Variants in LDB2 observed in about 807,000 individuals in gnomAD.
LDB2 encodes the protein LIM domain binding 2.
In LDB2, 12 loss-of-function variants were observed where a neutral mutation model predicts 44.3. The ratio of observed to expected loss-of-function variants is 0.27; its 90% CI spans 0.17 to 0.44. LDB2 has a LOEUF of 0.44. Ranked by LOEUF, LDB2 falls within the 20% of genes least tolerant of loss-of-function variation. The probability of loss-of-function intolerance (pLI) is 1.00; values close to 1 mark genes in which losing one functional copy is unlikely to be tolerated. For missense variants in LDB2, 344 were observed against 473.5 expected (o/e 0.73, Z 2.54); for synonymous variants, 164 against 174.8 (o/e 0.94, Z 0.49).
intron 5 of LDB2, among the ~76,000 whole-genome samples, chr4:16,574,123 G>A (rs1216748773): frequency 6.6e-6 from 1 of 152,106 alleles, no homozygotes; most frequent in Non-Finnish European, 1.5e-5. Flanking sequence ...AGGGACCAAT[G>A]TTCTTTAAAG....
At chr4:16,698,745 C>A (rs1231079142) in intron 2 of LDB2, among the ~76,000 whole-genome samples, 1 of 152,054 alleles carries the variant, frequency 6.6e-6, no homozygotes, top group African/African-American at 2.4e-5. Context: ...ATTTGCCATA[C>A]AGAGAAGTTT....
chr4:16,856,920 C>A (rs1789466412), intron 1 of LDB2, among the ~76,000 whole-genome samples: 1 of 152,228 alleles, frequency 6.6e-6, no homozygotes. Flanking sequence ...TGTTCAGAGA[C>A]ATTAAATATT....
chr4:16,807,864 AG>A (rs1779076887), intron 1 of LDB2, among the ~76,000 whole-genome samples: 1 of 152,234 alleles, frequency 6.6e-6, no homozygotes, highest in Non-Finnish European at 1.5e-5. Flanking sequence ...ATTTCTAAAC[AG>A]GGCAAAAAAC....
At chr4:16,639,037 G>T (rs913217082) in intron 2 of LDB2, among the ~76,000 whole-genome samples, 1 of 152,168 alleles carries the variant, frequency 6.6e-6, no homozygotes. Context: ...AAATAACTCA[G>T]GCTTGGATCT....
At chr4:16,783,130 C>T (rs1773665376) in intron 1 of LDB2, among the ~76,000 whole-genome samples, 1 of 152,138 alleles carries the variant, frequency 6.6e-6, no homozygotes, top group Non-Finnish European at 1.5e-5. Flanking sequence ...TAAGTTAGTA[C>T]AAAGTGCTTA....
At chr4:16,588,267 C>A (rs1363713735) in intron 4 of LDB2, among the ~76,000 whole-genome samples, 1 of 152,136 alleles carries the variant, frequency 6.6e-6, no homozygotes, top group Non-Finnish European at 1.5e-5. Context: ...CAACTTCTGA[C>A]ACAAATCTGA....
At chr4:16,556,406 T>C (rs1293073050) in intron 5 of LDB2, among the ~76,000 whole-genome samples, 1 of 152,202 alleles carries the variant, frequency 6.6e-6, no homozygotes, top group East Asian at 1.9e-4. Context: ...CAATACATCT[T>C]CCTTTTTAGA....
intron 2 of LDB2, among the ~76,000 whole-genome samples, chr4:16,735,683 T>G (rs1261249840): frequency 2.0e-5 from 3 of 151,936 alleles, no homozygotes; most frequent in Non-Finnish European, 4.4e-5. Context: ...GACAAAAGGG[T>G]ATCTCACCTC....
In LDB2 at chr4:16,554,412, A is replaced by G. The variant is rs373544198; in HGVS notation, c.615+31510T>C. 2.0e-5 allele frequency among the ~76,000 whole-genome samples: 3 copies of G among 152,154 alleles called. No individual in the cohort carries two copies. In the East Asian group the frequency reaches 5.8e-4, roughly 29 times the overall value. ...ATTGCCACTGGGTGCCGCCATTTTA[A>G]GACTTTTAATCTACTGTGGAGGTCA... On this transcript the variant is annotated intron_variant, in intron 5 of 7. Transcript: ENST00000304523.
Position 16,585,906 on chromosome 4 carries a change from A to G in LDB2, c.615+16T>C, listed in dbSNP as rs1191289515. 4 of 1,602,874 alleles carry G rather than the reference A, an allele frequency of 2.5e-6. No homozygotes were observed. Among genetic ancestry groups the G allele is most frequent in the Non-Finnish European group, 3.4e-6 (4 of 1,169,952 alleles). On this transcript the variant is annotated intron_variant, in intron 5 of 7. Coordinates refer to ENST00000304523, the MANE Select transcript of LDB2 (RefSeq NM_001290.5). The stretch of plus-strand genomic sequence containing the variant: ...TTCAAACTCACCAAAAAATAAAATC[A>G]TTCGATTGATCTTACCCTGAGGTAG...
At chr4:16,585,204 C>T (rs1166708836) in intron 5 of LDB2, among the ~76,000 whole-genome samples, 1 of 152,180 alleles carries the variant, frequency 6.6e-6, no homozygotes, top group Non-Finnish European at 1.5e-5. Flanking sequence ...GATGTAGCCC[C>T]AGCTACCCTG....
intron 1 of LDB2, among the ~76,000 whole-genome samples, chr4:16,876,469 T>C (rs979566018): frequency 1.3e-5 from 2 of 152,336 alleles, no homozygotes; most frequent in South Asian, 4.1e-4. Flanking sequence ...TTGCACCTGT[T>C]ATACATAGGA....
At chr4:16,796,159 C>T (rs1274496927) in intron 1 of LDB2, among the ~76,000 whole-genome samples, 3 of 151,934 alleles carry the variant, frequency 2.0e-5, no homozygotes, top group Non-Finnish European at 4.4e-5. Flanking sequence ...ATGGTGGTGT[C>T]GTGTGGTCCT....
In LDB2 at chr4:16,697,393, T is replaced by TGCAGTGA. The variant is rs568928187; in HGVS notation, c.235+61758_235+61764dup. Among the ~76,000 whole-genome samples the TGCAGTGA allele has an allele frequency of 7.5e-4, 114 of 151,212 alleles. 1 individual carries two copies. In the South Asian group the frequency reaches 0.023, roughly 31 times the overall value. On this transcript the variant is annotated intron_variant, in intron 2 of 7. Coordinates refer to ENST00000304523, the MANE Select transcript of LDB2 (RefSeq NM_001290.5). ...TGGCGTGAATCTGGGAGGCAGAGCT[T>TGCAGTGA]GCAGTGAGCAGTGAGCTGAGATCGC...
chr4:16,711,240 C>T (rs920979765), intron 2 of LDB2, among the ~76,000 whole-genome samples: 1 of 152,144 alleles, frequency 6.6e-6, no homozygotes, highest in African/African-American at 2.4e-5. Context: ...AAAAGAAGAG[C>T]AAAATGGTGT....
At chr4:16,505,236 G>T (rs1224407251) in intron 7 of LDB2, among the ~76,000 whole-genome samples, 2 of 152,166 alleles carry the variant, frequency 1.3e-5, no homozygotes, top group African/African-American at 4.8e-5. Flanking sequence ...AGCTGGAAAA[G>T]ATGTCTAGGC....
intron 2 of LDB2, among the ~76,000 whole-genome samples, chr4:16,643,156 G>C (rs1009202097): frequency 7.5e-6 from 1 of 133,202 alleles, no homozygotes; most frequent in Non-Finnish European, 1.6e-5. Context: ...TTCTCTAACA[G>C]ATAGGGATAA....
intron 2 of LDB2, among the ~76,000 whole-genome samples, chr4:16,640,850 T>C (rs1320445273): frequency 1.3e-5 from 2 of 152,336 alleles, no homozygotes; most frequent in East Asian, 1.9e-4. Context: ...AGATCTAAGA[T>C]TTCTATTTGA....
At chr4:16,711,159 C>G (rs1208637784) in intron 2 of LDB2, among the ~76,000 whole-genome samples, 1 of 152,176 alleles carries the variant, frequency 6.6e-6, no homozygotes, top group African/African-American at 2.4e-5. Flanking sequence ...AAAAGTACTT[C>G]TAGGGCACCT....
Sources: gnomAD v4.1 joint callset for allele counts (sites outside exome capture counted in the v4.1 genomes callset) on GRCh38, gnomAD v4.1.1 for gene constraint, MANE v1.5 for transcripts, NCBI Gene and HGNC (gene_info 2026-07-23, HGNC 2026-07-21) for gene names.